Variants in NOL8 observed in about 807,000 individuals in gnomAD.
NOL8 encodes nucleolar protein Nop132.
A neutral mutation model predicts 116.1 loss-of-function variants in NOL8; 93 were observed. That is an observed-to-expected ratio of 0.80 (90% CI 0.68 to 0.95). The LOEUF (loss-of-function observed/expected upper bound fraction) is 0.95, where lower values mean the gene tolerates loss of function less well. Among genes scored for constraint, NOL8 ranks in the 40% least tolerant of loss-of-function variants. NOL8 has a pLI of 0.00. For synonymous variants in NOL8, 419 were observed against 469.0 expected, an observed-to-expected ratio of 0.89 and a Z score of 1.38; for missense variants, 1,291 against 1,382.8, an observed-to-expected ratio of 0.93 and a Z score of 1.05.
chr9:92,306,803 A>G, intron 11 of NOL8, 83 bp downstream of exon 11: 1 of 1,372,800 alleles, frequency 7.3e-7, no homozygotes, highest in Non-Finnish European at 1.0e-6. Flanking sequence ...GGCCATTAAA[A>G]GAGACCTAGT....
At chr9:92,324,230 T>C (rs1247690162) in intron 1 of NOL8, 21 bp from the exon 2 acceptor site, 1 of 1,482,666 alleles carries the variant, frequency 6.7e-7, no homozygotes. Context: ...AGAAGAGTTC[T>C]TTCCCTTAGT....
Position 92,321,720 on chromosome 9 carries a change from AT to A in NOL8, c.228del (p.Lys76AsnfsTer11). The A allele has an allele frequency of 2.0e-6, 3 of 1,516,468 alleles. No individual in the cohort carries two copies. Among genetic ancestry groups the A allele is most frequent in the Non-Finnish European group, 2.7e-6 (3 of 1,128,272 alleles). The allele number at this position is 1,516,468 out of a possible 1,614,324, so 93.9% of individuals were successfully genotyped here. ...TGAATTTGTAATGTTCCACCTTTCC[AT>A]TTTGTTTTATTTAAAACAGACATAC... The part of the protein sequence containing the change: ...KKCMSVLNKT[K>X]WKGGTLQIQL... On this transcript the variant is annotated frameshift_variant, in exon 4 of 17. Transcript: ENST00000442668. LOFTEE classifies it high-confidence loss of function.
At chr9:92,302,778 T>G (rs1049313846) in intron 12 of NOL8, among the ~76,000 whole-genome samples, 8 of 152,192 alleles carry the variant, frequency 5.3e-5, no homozygotes, top group Non-Finnish European at 1.2e-4. Context: ...GTAAGCCAAA[T>G]GGGATGACAT....
At chr9:92,306,261 T>G (rs1417547064) in intron 11 of NOL8, among the ~76,000 whole-genome samples, 3 of 152,228 alleles carry the variant, frequency 2.0e-5, no homozygotes, top group Non-Finnish European at 2.9e-5. Context: ...CCCAAAGTGC[T>G]AGGATCACAG....
intron 13 of NOL8, chr9:92,300,352 A>G: frequency 2.0e-6 from 2 of 995,508 alleles, no homozygotes; most frequent in Non-Finnish European, 2.4e-6. Flanking sequence ...CTTGCATGAG[A>G]AGCCTAAAAT....
At chr9:92,322,132 A>G (rs1564246813) in intron 3 of NOL8, among the ~76,000 whole-genome samples, 1 of 152,234 alleles carries the variant, frequency 6.6e-6, no homozygotes, top group African/African-American at 2.4e-5. Context: ...CTATAAAACA[A>G]TCATCTTTTC....
At chr9:92,303,447 C>T (rs1383250850) in intron 12 of NOL8, among the ~76,000 whole-genome samples, 2 of 152,122 alleles carry the variant, frequency 1.3e-5, no homozygotes, top group African/African-American at 4.8e-5. Flanking sequence ...TTTATCGGCA[C>T]ACAGCCTTGC....
intron 7 of NOL8, among the ~76,000 whole-genome samples, chr9:92,313,516 T>G (rs1282971764): frequency 6.6e-6 from 1 of 152,244 alleles, no homozygotes; most frequent in South Asian, 2.1e-4. Flanking sequence ...ACAATTAATC[T>G]TCTCTCCTTT....
intron 4 of NOL8, chr9:92,320,297 G>A (rs1280198114): frequency 9.6e-6 from 4 of 417,340 alleles, no homozygotes; most frequent in Admixed American, 2.6e-5. Flanking sequence ...GCATATCCAC[G>A]CAGATACTCC....
At chr9:92,314,144 C>T in intron 7 of NOL8, 123 bp downstream of exon 7, 12 of 1,334,716 alleles carry the variant, frequency 9.0e-6, no homozygotes, top group Non-Finnish European at 1.2e-5. Context: ...AACTCAAGAA[C>T]CAAAACATGA....
intron 3 of NOL8, chr9:92,322,730 T>C (rs1840024389): frequency 6.6e-6 from 1 of 152,234 alleles, no homozygotes; most frequent in Non-Finnish European, 1.5e-5. Flanking sequence ...TTAAGTAACT[T>C]GCCACAGGTC....
In NOL8 at chr9:92,312,541, A is replaced by G. The variant is rs1838910620; in HGVS notation, c.2359-1282T>C. Among the ~76,000 whole-genome samples, 4 of 150,668 alleles carry G rather than the reference A, an allele frequency of 2.7e-5. No individual in the cohort carries two copies. The South Asian group carries it at 6.3e-4, about 24-fold the overall frequency. ...GAGAGTAAGGATTGAAAAGCCACCTATTGGGCCGGGCACAGTAGCTCACGC... is the reference window on the plus strand; with the variant it reads ...GAGAGTAAGGATTGAAAAGCCACCTGTTGGGCCGGGCACAGTAGCTCACGC... On this transcript the variant is annotated intron_variant, in intron 7 of 16. Transcript: ENST00000442668.
chr9:92,324,082 T>C lies in NOL8; in HGVS notation c.80A>G (p.Gln27Arg), dbSNP rs773063831. 12 of 1,613,954 alleles carry C rather than the reference T, an allele frequency of 7.4e-6. No individual in the cohort carries two copies. In the Middle Eastern group the frequency reaches 6.6e-4, roughly 88 times the overall value. Residue 27 changes from glutamine to arginine, a missense_variant, in exon 2 of 17, where the codon CAG becomes CGG. Coordinates refer to ENST00000442668, the MANE Select transcript of NOL8 (RefSeq NM_017948.6). ...QDISEADLQN[Q>R]FSRFGEVSDV... ...CGAAACTTCTCCAAATCTGCTGAAC[T>C]GATTTTGTAGGTCTGCCTCAGAAAT...
intron 13 of NOL8, 112 bp from the exon 14 acceptor site, chr9:92,300,128 T>C (rs1837608909): frequency 7.0e-7 from 1 of 1,419,288 alleles, no homozygotes; most frequent in Non-Finnish European, 9.3e-7. Context: ...AGTTCCAATA[T>C]GTTAATCATT....
chr9:92,298,391 A>T, intron 15 of NOL8, 55 bp from the exon 16 acceptor site: 1 of 1,126,476 alleles, frequency 8.9e-7, no homozygotes, highest in Non-Finnish European at 1.3e-6. Flanking sequence ...AAAATTGGTA[A>T]TATTCTAAGT....
chr9:92,321,823 G>T, intron 3 of NOL8, 77 bp from the exon 4 acceptor site: 1 of 756,440 alleles, frequency 1.3e-6, no homozygotes. Flanking sequence ...TAATTATTTA[G>T]TATCAAGAAA....
intron 6 of NOL8, among the ~76,000 whole-genome samples, chr9:92,318,291 C>G (rs1002061461): frequency 2.0e-5 from 3 of 152,124 alleles, no homozygotes; most frequent in Non-Finnish European, 4.4e-5. Flanking sequence ...TACCTCAATT[C>G]TAAAGCCTTC....
rs1378055035 is a variant in NOL8 at position 92,315,901 on chromosome 9, C to CCCT, written c.721_723dup (p.Arg241dup). On this transcript the variant is annotated inframe_insertion, in exon 7 of 17. Transcript: ENST00000442668. Reference sequence around the variant, plus strand: ...TGTGTTAAGGGTGGTCTCTCTATTACCCTCCTGGGCCTTGTACTCATGGCC... The same window carrying CCCT: ...TGTGTTAAGGGTGGTCTCTCTATTACCCTCCTCCTGGGCCTTGTACTCATGGCC... 1 of 1,613,802 alleles carries CCCT rather than the reference C, an allele frequency of 6.2e-7. No individual in the cohort carries two copies. Among genetic ancestry groups the CCCT allele is most frequent in the Non-Finnish European group, 8.5e-7 (1 of 1,179,860 alleles).
At chr9:92,298,222 A>G (rs771134255) in intron 16 of NOL8, 35 bp downstream of exon 16, 20 of 1,491,198 alleles carry the variant, frequency 1.3e-5, no homozygotes, top group South Asian at 9.6e-5. Context: ...TAACATGTCT[A>G]TTTTAGGAAA....
Sources: allele counts gnomAD v4.1 joint callset (sites outside exome capture counted in the v4.1 genomes callset), GRCh38; gene constraint gnomAD v4.1.1; transcripts MANE v1.5; gene names NCBI Gene and HGNC (gene_info 2026-07-23, HGNC 2026-07-21).